MYBPC1: variants seen among roughly 807,000 people sequenced by gnomAD.
MYBPC1 encodes myosin binding protein C1.
MYBPC1 carries 52 observed loss-of-function variants against 147.1 expected under a neutral mutation model. The ratio of observed to expected loss-of-function variants is 0.35; its 90% CI spans 0.28 to 0.45. MYBPC1 has a LOEUF of 0.45. MYBPC1 is among the 20% of genes least tolerant of loss of function. The probability of loss-of-function intolerance (pLI) is 1.00; values close to 1 mark genes in which losing one functional copy is unlikely to be tolerated. For missense variants in MYBPC1, 1,228 were observed against 1,440.3 expected (o/e 0.85, Z 2.39); for synonymous variants, 477 against 475.9 (o/e 1.00, Z -0.03).
intron 29 of MYBPC1, among the ~76,000 whole-genome samples, chr12:101,681,594 T>TA (rs1950997604): frequency 3.6e-3 from 49 of 13,534 alleles, no homozygotes; most frequent in East Asian, 9.5e-3. Context: ...ATATATATAT[T>TA]TTTTTTTTTT....
chr12:101,687,417 G>A (rs1951367304), downstream of MYBPC1, among the ~76,000 whole-genome samples: 1 of 152,198 alleles, frequency 6.6e-6, no homozygotes, highest in East Asian at 1.9e-4. Flanking sequence ...CATTTTTTAT[G>A]GCTGCATAGT....
At chr12:101,627,098 T>C (rs1888775148) in intron 4 of MYBPC1, among the ~76,000 whole-genome samples, 188 bp downstream of exon 4, 1 of 152,204 alleles carries the variant, frequency 6.6e-6, no homozygotes, top group African/African-American at 2.4e-5. Flanking sequence ...GTGAGAAACT[T>C]CTTAGAAAGA....
At chr12:101,633,795 G>T (rs1890426259) in intron 8 of MYBPC1, among the ~76,000 whole-genome samples, 1 of 152,024 alleles carries the variant, frequency 6.6e-6, no homozygotes, top group Non-Finnish European at 1.5e-5. Context: ...GATGGCCATG[G>T]GTCGGGTGCT....
At chr12:101,657,434 A>G (rs1895728102) in intron 18 of MYBPC1, among the ~76,000 whole-genome samples, 1 of 152,360 alleles carries the variant, frequency 6.6e-6, no homozygotes, top group African/African-American at 2.4e-5. Flanking sequence ...GTAAATATCA[A>G]TAAAACGTAT....
rs552875417 is a variant in MYBPC1, at chr12:101,665,246, G to A, written c.2356+1686G>A. 7.2e-5 allele frequency among the ~76,000 whole-genome samples: 11 copies of A among 152,112 alleles called. No homozygotes were observed. In the South Asian group the frequency reaches 1.0e-3, roughly 14 times the overall value. On this transcript the variant is annotated intron_variant, in intron 22 of 31. Transcript: ENST00000361466. Reference sequence around the variant, plus strand: ...TTATGTATATATTTTGCCGAGTAACGTTCTGGAATTAGCTTTCTATGGGAG... The same window carrying A: ...TTATGTATATATTTTGCCGAGTAACATTCTGGAATTAGCTTTCTATGGGAG...
intron 10 of MYBPC1, among the ~76,000 whole-genome samples, chr12:101,640,282 G>A (rs569964941): frequency 6.6e-6 from 1 of 152,208 alleles, no homozygotes; most frequent in South Asian, 2.1e-4. Context: ...AAAGTGCTGG[G>A]ATTACAAGAC....
chr12:101,610,324 AT>A (rs1883782830), intron 1 of MYBPC1, among the ~76,000 whole-genome samples: 1 of 152,186 alleles, frequency 6.6e-6, no homozygotes, highest in South Asian at 2.1e-4. Flanking sequence ...ATGCATAAAA[AT>A]TGCATCGAGC....
chr12:101,598,587 T>A (rs1210339230), intron 1 of MYBPC1, among the ~76,000 whole-genome samples: 2 of 152,254 alleles, frequency 1.3e-5, no homozygotes, highest in Admixed American at 1.3e-4. Context: ...ATTTTTTATC[T>A]TTTTGAGAAA....
intron 28 of MYBPC1, among the ~76,000 whole-genome samples, chr12:101,678,748 A>G (rs757511018): frequency 7.9e-5 from 12 of 152,256 alleles, no homozygotes; most frequent in Non-Finnish European, 1.3e-4. Context: ...TTTGAAAAGA[A>G]CAACGAATTA....
the MYBPC1 span, among the ~76,000 whole-genome samples, chr12:101,693,761 A>G: frequency 6.6e-6 from 1 of 152,130 alleles, no homozygotes; most frequent in African/African-American, 2.4e-5. Flanking sequence ...AAATAAATAA[A>G]CAAGTAAAAG....
chr12:101,616,388 G>A (rs1018089706), intron 2 of MYBPC1, among the ~76,000 whole-genome samples: 1 of 152,012 alleles, frequency 6.6e-6, no homozygotes, highest in African/African-American at 2.4e-5. Flanking sequence ...AGCCACTATC[G>A]TTTCCTTTGT....
chr12:101,617,256 G>A lies in MYBPC1; in HGVS notation c.103+13G>A, dbSNP rs756976765. 14 of 1,613,520 alleles carry A rather than the reference G, an allele frequency of 8.7e-6. No individual in the cohort carries two copies. In the South Asian group the frequency reaches 1.2e-4, roughly 14 times the overall value. On this transcript the variant is annotated intron_variant, in intron 3 of 31. Transcript: ENST00000361466. ...ACACCAGCAAAAGGTGAGTTGGAGG[G>A]AGGGAGAGTGAGGCTGAAGTCAACA...
rs149446266 is a variant in MYBPC1 at position 101,628,568 on chromosome 12, A to C, written c.178+764A>C. On this transcript the variant is annotated intron_variant, in intron 5 of 31. Transcript: ENST00000361466. ...TTCTTTTCAAGAAACATCAACAAGC[A>C]GAGAGTTGGCAACCTATGCATTTTT... Among the ~76,000 whole-genome samples the C allele has an allele frequency of 2.5e-3, 378 of 152,338 alleles. 1 individual carries two copies. The highest frequency in any genetic ancestry group is 8.8e-3 in the African/African-American group (367 of 41,582).
intron 7 of MYBPC1, 138 bp downstream of exon 7, chr12:101,631,857 C>G: frequency 7.2e-7 from 1 of 1,393,174 alleles, no homozygotes; most frequent in Non-Finnish European, 1.0e-6. Context: ...TGTCTACACT[C>G]TATTGCGATT....
At chr12:101,687,204 C>T (rs1951361874), downstream of MYBPC1, among the ~76,000 whole-genome samples, 1 of 151,984 alleles carries the variant, frequency 6.6e-6, no homozygotes, top group Admixed American at 6.6e-5. Flanking sequence ...GGTATATCGC[C>T]TAATGCTATC....
intron 11 of MYBPC1, among the ~76,000 whole-genome samples, chr12:101,643,332 A>C (rs765400694): frequency 1.3e-5 from 2 of 152,014 alleles, no homozygotes; most frequent in African/African-American, 4.8e-5. Context: ...GGTTTTTTTT[A>C]GTTTATGTAG....
chr12:101,596,994 G>A (rs570100216), intron 1 of MYBPC1, among the ~76,000 whole-genome samples: 1 of 152,198 alleles, frequency 6.6e-6, no homozygotes, highest in Admixed American at 6.5e-5. Context: ...GAAGTACAGA[G>A]ATTTTTTTGG....
chr12:101,689,203 C>T (rs1462674310), downstream of MYBPC1, among the ~76,000 whole-genome samples: 1 of 152,130 alleles, frequency 6.6e-6, no homozygotes, highest in Non-Finnish European at 1.5e-5. Context: ...TTAAATGTAA[C>T]TCTGAGCTCT....
chr12:101,616,761 T>A (rs1330593507), intron 2 of MYBPC1, among the ~76,000 whole-genome samples: 1 of 152,232 alleles, frequency 6.6e-6, no homozygotes, highest in Non-Finnish European at 1.5e-5. Flanking sequence ...CACAATTACA[T>A]ATTTTGTACT....
Sources: allele counts gnomAD v4.1 joint callset (sites outside exome capture counted in the v4.1 genomes callset), GRCh38; gene constraint gnomAD v4.1.1; transcripts MANE v1.5; gene names NCBI Gene and HGNC (gene_info 2026-07-23, HGNC 2026-07-21).